Variants in MAN2A1 observed in about 807,000 individuals in gnomAD.
MAN2A1 encodes alpha-mannosidase 2.
A neutral mutation model predicts 142.6 loss-of-function variants in MAN2A1; 76 were observed. The ratio of observed to expected loss-of-function variants is 0.53; its 90% confidence interval spans 0.44 to 0.65. The LOEUF (loss-of-function observed/expected upper bound fraction) is 0.65. Ranked by LOEUF, MAN2A1 falls within the 30% of genes least tolerant of loss-of-function variation. The pLI, the probability that MAN2A1 is intolerant of heterozygous loss-of-function variation, is 0.00. For missense variants in MAN2A1, 1,311 were observed against 1,365.1 expected, an observed-to-expected ratio of 0.96 and a Z score of 0.62; for synonymous variants, 559 against 473.2, an observed-to-expected ratio of 1.18 and a Z score of -2.35.
chr5:109,844,644 A>G (rs545462383), intron 17 of MAN2A1, among the ~76,000 whole-genome samples: 2 of 152,310 alleles, frequency 1.3e-5, no homozygotes, highest in African/African-American at 4.8e-5. Context: ...TATTCCCTCC[A>G]AAAGCTATAG....
At chr5:109,782,034 C>T (rs1753473333) in intron 9 of MAN2A1, among the ~76,000 whole-genome samples, 1 of 152,160 alleles carries the variant, frequency 6.6e-6, no homozygotes. Context: ...TCAAAGTTCA[C>T]AGTCCAAAAC....
At chr5:109,744,278 C>T (rs1413259910) in intron 4 of MAN2A1, among the ~76,000 whole-genome samples, 3 of 152,002 alleles carry the variant, frequency 2.0e-5, no homozygotes. Context: ...TCTATAGAGG[C>T]AAGAAGGGGG....
chr5:109,694,024 T>A (rs1369154037), intron 1 of MAN2A1, among the ~76,000 whole-genome samples: 1 of 152,224 alleles, frequency 6.6e-6, no homozygotes, highest in Non-Finnish European at 1.5e-5. Context: ...CAAGCAGATT[T>A]CACAAGGTGC....
chr5:109,717,598 A>G (rs907899242), intron 3 of MAN2A1, among the ~76,000 whole-genome samples: 1 of 152,108 alleles, frequency 6.6e-6, no homozygotes, highest in Non-Finnish European at 1.5e-5. Context: ...TATATTTTAG[A>G]TTGTCTTTCT....
chr5:109,742,910 G>C (rs927981357), intron 4 of MAN2A1, among the ~76,000 whole-genome samples: 2 of 152,176 alleles, frequency 1.3e-5, no homozygotes, highest in South Asian at 2.1e-4. Flanking sequence ...AGTTCGTCTT[G>C]AGTGAGACGG....
At chr5:109,720,739 G>T (rs1198692835) in intron 3 of MAN2A1, among the ~76,000 whole-genome samples, 1 of 152,172 alleles carries the variant, frequency 6.6e-6, no homozygotes, top group Non-Finnish European at 1.5e-5. Context: ...ATGTTGAGAT[G>T]CATTCAAAGC....
chr5:109,748,007 CT>C lies in MAN2A1; in HGVS notation c.708-7318del, dbSNP rs367957506. Among the ~76,000 whole-genome samples, 12 of 152,234 alleles carry C rather than the reference CT, an allele frequency of 7.9e-5. No homozygotes were observed. The South Asian group carries it at 2.5e-3, about 32-fold the overall frequency. On this transcript the variant is annotated intron_variant, in intron 4 of 21. Transcript: ENST00000261483. Reference sequence around the variant, plus strand: ...TTTTTAAACATGTATCTTGGAGAATCTTTTAGTAAAGTCTGTTATGTGAATG... The same window carrying C: ...TTTTTAAACATGTATCTTGGAGAATCTTTAGTAAAGTCTGTTATGTGAATG...
intron 4 of MAN2A1, among the ~76,000 whole-genome samples, chr5:109,747,515 A>T (rs75069264): frequency 3.3e-5 from 5 of 152,050 alleles, no homozygotes; most frequent in Non-Finnish European, 7.4e-5. Flanking sequence ...TTTAACTTTT[A>T]TCTTTGAAAA....
chr5:109,758,860 C>T (rs1752762298), intron 5 of MAN2A1, among the ~76,000 whole-genome samples: 1 of 151,650 alleles, frequency 6.6e-6, no homozygotes, highest in Non-Finnish European at 1.5e-5. Context: ...TGATTCTTTC[C>T]TCACTGAATT....
At chr5:109,705,108 C>T (rs970014518) in intron 1 of MAN2A1, among the ~76,000 whole-genome samples, 4 of 152,110 alleles carry the variant, frequency 2.6e-5, no homozygotes, top group African/African-American at 9.7e-5. Context: ...CCCCCTTGCC[C>T]TAGCAAAAAA....
At chr5:109,740,311 C>A (rs1302730708) in intron 4 of MAN2A1, among the ~76,000 whole-genome samples, 1 of 152,208 alleles carries the variant, frequency 6.6e-6, no homozygotes, top group African/African-American at 2.4e-5. Context: ...ATGAGAAGAT[C>A]TGGAAAAGGA....
chr5:109,799,244 A>G (rs1040234560), intron 12 of MAN2A1, among the ~76,000 whole-genome samples: 2 of 152,024 alleles, frequency 1.3e-5, no homozygotes, highest in Non-Finnish European at 2.9e-5. Context: ...TCTTTTTTCC[A>G]TTACCCTAAG....
intron 17 of MAN2A1, 65 bp from the exon 18 acceptor site, chr5:109,845,800 C>T: frequency 5.2e-6 from 7 of 1,341,450 alleles, no homozygotes; most frequent in African/African-American, 1.5e-5. Context: ...ATCACCTGTC[C>T]TCAAGTTTTT....
At position 109,702,315 on chromosome 5, in the gene MAN2A1, T is replaced by TTGTGTGTGTGTGTG. The variant is rs34048618; in HGVS notation, c.136-11181_136-11168dup. The stretch of plus-strand genomic sequence containing the variant: ...TTTCTGGGTTAAGACAGAACATAAA[T>TTGTGTGTGTGTGTG]TGTGTGTGTGTGTGTGTGTGTGTGT... On this transcript the variant is annotated intron_variant, in intron 1 of 21. Coordinates refer to ENST00000261483, the MANE Select transcript of MAN2A1 (RefSeq NM_002372.4). Among the ~76,000 whole-genome samples, 665 of 144,126 alleles carry TTGTGTGTGTGTGTG rather than the reference T, an allele frequency of 4.6e-3. 2 individuals carry two copies. Among genetic ancestry groups the TTGTGTGTGTGTGTG allele is most frequent in the African/African-American group, 0.015 (562 of 38,752 alleles). 94.6% of individuals were successfully genotyped at this position (144,126 alleles called of 152,430 possible).
At chr5:109,692,840 G>C (rs889394104) in intron 1 of MAN2A1, among the ~76,000 whole-genome samples, 2 of 152,122 alleles carry the variant, frequency 1.3e-5, no homozygotes, top group Non-Finnish European at 2.9e-5. Flanking sequence ...TGGGGATGAA[G>C]CTGTTCCACC....
chr5:109,786,978 G>A, intron 10 of MAN2A1, among the ~76,000 whole-genome samples: 1 of 151,972 alleles, frequency 6.6e-6, no homozygotes, highest in East Asian at 1.9e-4. Context: ...GAATCTGAGA[G>A]CATGCTGTCA....
At position 109,838,085 on chromosome 5, in the gene MAN2A1, GGT is replaced by G. The variant is rs200059256; in HGVS notation, c.2567-4239_2567-4238del. On this transcript the variant is annotated intron_variant, in intron 16 of 21. Coordinates refer to ENST00000261483, the MANE Select transcript of MAN2A1 (RefSeq NM_002372.4). ...AAAAAAAAAAAAAATCCTAGCTCCG[GGT>G]GTGAGACTGGAATCTACAGCATCTA... Among the ~76,000 whole-genome samples, 788 of 152,096 alleles carry G rather than the reference GGT, an allele frequency of 5.2e-3. 8 individuals are homozygous for G. The highest frequency in any genetic ancestry group is 0.018 in the African/African-American group (733 of 41,488).
chr5:109,861,667 G>T (rs1325206579), intron 20 of MAN2A1, among the ~76,000 whole-genome samples: 1 of 152,198 alleles, frequency 6.6e-6, no homozygotes, highest in Non-Finnish European at 1.5e-5. Context: ...ATAGATAACT[G>T]TCAAGGGCAC....
intron 4 of MAN2A1, among the ~76,000 whole-genome samples, chr5:109,730,926 CAATCTTTATTATATTTA>C (rs1330905500): frequency 6.6e-6 from 1 of 152,130 alleles, no homozygotes; most frequent in Admixed American, 6.6e-5. Flanking sequence ...ATTTGAAGTG[CAATCTTTATTATATTTA>C]AATATGCATT....
Sources: allele counts gnomAD v4.1 joint callset (sites outside exome capture counted in the v4.1 genomes callset), GRCh38; gene constraint gnomAD v4.1.1; transcripts MANE v1.5; gene names NCBI Gene and HGNC (gene_info 2026-07-23, HGNC 2026-07-21).